The following SCEL variants were observed in gnomAD, a reference collection of about 807,000 sequenced individuals.
SCEL encodes sciellin.
In SCEL, 113 loss-of-function variants were observed where a neutral mutation model predicts 117.6. That is an observed-to-expected ratio of 0.96 (90% CI 0.83 to 1.12). SCEL has a LOEUF of 1.12. Ranked by LOEUF, SCEL falls within the 50% of genes most tolerant of loss-of-function variation. The pLI is 0.00. For synonymous variants in SCEL, 270 were observed against 256.2 expected (o/e 1.05, Z -0.51); for missense variants, 785 against 810.8 (o/e 0.97, Z 0.39).
At chr13:77,546,596 A>G (rs1397744577) in intron 1 of SCEL, among the ~76,000 whole-genome samples, 1 of 151,482 alleles carries the variant, frequency 6.6e-6, no homozygotes, top group Non-Finnish European at 1.5e-5. Context: ...TCTTTTGTAG[A>G]CTCCTGTCAA....
At chr13:77,643,220 T>C (rs2090643886) in intron 32 of SCEL, among the ~76,000 whole-genome samples, 1 of 152,172 alleles carries the variant, frequency 6.6e-6, no homozygotes, top group Non-Finnish European at 1.5e-5. Context: ...TACTTTTAAA[T>C]TGAAAATTTA....
intron 24 of SCEL, among the ~76,000 whole-genome samples, chr13:77,614,412 G>T (rs1183435767): frequency 1.3e-5 from 2 of 152,068 alleles, no homozygotes; most frequent in African/African-American, 4.8e-5. Flanking sequence ...ATTTTATGAG[G>T]TTCATTATTC....
Position 77,634,406 on chromosome 13 carries a change from A to T in SCEL, c.1719A>T (p.Gly573=). The T allele has an allele frequency of 6.2e-7, 1 of 1,613,552 alleles. No homozygotes were observed. Among genetic ancestry groups the T allele is most frequent in the Non-Finnish European group, 8.5e-7 (1 of 1,179,640 alleles). ...CTAACACTGGAGCCAAGCAGGCAGG[A>T]CCACAGGATACTGTTGTGTACACAA... ...GSSNTGAKQA[G]PQDTVVYTRT... Residue 573 remains glycine (G), a synonymous_variant, in exon 29 of 33, where the codon GGA becomes GGT. Coordinates refer to ENST00000349847, the MANE Select transcript of SCEL (RefSeq NM_144777.3).
rs551088528 is a variant in SCEL at position 77,639,392 on chromosome 13, G to T, written c.1839-1284G>T. On this transcript the variant is annotated intron_variant, in intron 30 of 32. Coordinates refer to ENST00000349847, the MANE Select transcript of SCEL (RefSeq NM_144777.3). ...AAAGACATTACTAGAATGATTAAAA[G>T]TATAAAGCTAGATAAAGTTTATCTA... Among the ~76,000 whole-genome samples, 9 of 152,284 alleles carry T rather than the reference G, an allele frequency of 5.9e-5. No individual in the cohort carries two copies. The South Asian group carries it at 1.9e-3, about 32-fold the overall frequency.
At position 77,601,953 on chromosome 13, in the gene SCEL, T is replaced by C; in HGVS notation, c.918-112T>C. 8.0e-6 allele frequency: 6 copies of C among 749,912 alleles called. No individual in the cohort carries two copies. The South Asian group carries it at 1.2e-4, about 15-fold the overall frequency. 46.5% of individuals were successfully genotyped at this position (749,912 alleles called of 1,614,324 possible). On this transcript the variant is annotated intron_variant, in intron 15 of 32. Coordinates refer to ENST00000349847, the MANE Select transcript of SCEL (RefSeq NM_144777.3). ...TCCTTTAGGCACTGATTGTATCTTATGAGATTCTCTTGTGGGAAATCTGCT... is the reference window on the plus strand; with the variant it reads ...TCCTTTAGGCACTGATTGTATCTTACGAGATTCTCTTGTGGGAAATCTGCT...
In SCEL at chr13:77,591,393, A is replaced by G. The variant is rs1370338920; in HGVS notation, c.627-2A>G. The G allele has an allele frequency of 8.4e-6, 13 of 1,555,406 alleles. No homozygotes were observed. In the South Asian group the frequency reaches 9.0e-5, roughly 11 times the overall value. ...TATAATCTTCTAACTTTGAAAATAT[A>G]GGCAGATACATCCACCTAAACCAGG... On this transcript the variant is annotated splice_acceptor_variant, in intron 10 of 32. Coordinates refer to ENST00000349847, the MANE Select transcript of SCEL (RefSeq NM_144777.3). LOFTEE classifies it high-confidence loss of function.
At chr13:77,611,945 G>A (rs2088666070) in intron 22 of SCEL, among the ~76,000 whole-genome samples, 1 of 152,070 alleles carries the variant, frequency 6.6e-6, no homozygotes, top group East Asian at 1.9e-4. Context: ...ATGTGAAGAA[G>A]ATAGCAAATA....
chr13:77,553,221 G>C (rs192584244), intron 1 of SCEL, among the ~76,000 whole-genome samples: 18 of 152,302 alleles, frequency 1.2e-4, no homozygotes, highest in African/African-American at 4.1e-4. Flanking sequence ...AGAAAGAAAA[G>C]ATTTAGGCCT....
chr13:77,599,633 C>A, intron 14 of SCEL, 56 bp from the exon 15 acceptor site: 2 of 1,270,330 alleles, frequency 1.6e-6, no homozygotes, highest in Non-Finnish European at 2.3e-6. Flanking sequence ...TTTCAAGATA[C>A]CACACAATTT....
intron 1 of SCEL, among the ~76,000 whole-genome samples, chr13:77,543,273 C>T (rs182230056): frequency 4.6e-5 from 7 of 151,136 alleles, no homozygotes; most frequent in Admixed American, 2.0e-4. Flanking sequence ...TTAGTAGAGA[C>T]GGGGTTTCAC....
chr13:77,634,437 T>C lies in SCEL; in HGVS notation c.1750T>C (p.Tyr584His), dbSNP rs1166947122. ...GGATACTGTTGTGTACACAAGGACA[T>C]ATGTGGAGAATAGGTATTCAAAATT... ...PQDTVVYTRT[Y>H]VENSKSPKDG... The change falls in exon 29 of 33, where the codon TAT becomes CAT. Residue 584 changes from tyrosine to histidine, a missense_variant. Coordinates refer to ENST00000349847, the MANE Select transcript of SCEL (RefSeq NM_144777.3). 6.8e-6 allele frequency: 11 copies of C among 1,611,738 alleles called. No individual in the cohort carries two copies. The African/African-American group carries it at 1.3e-4, about 20-fold the overall frequency.
intron 29 of SCEL, among the ~76,000 whole-genome samples, chr13:77,634,942 T>C (rs187528889): frequency 2.3e-4 from 35 of 152,236 alleles, no homozygotes; most frequent in Admixed American, 7.2e-4. Context: ...TTGAGGAAAA[T>C]GTAAACCAAG....
chr13:77,632,816 C>A (rs774291549), intron 28 of SCEL, among the ~76,000 whole-genome samples: 20 of 152,212 alleles, frequency 1.3e-4, no homozygotes, highest in Non-Finnish European at 2.6e-4. Flanking sequence ...TAGCAGAAAT[C>A]TAGGTCAGAG....
intron 22 of SCEL, among the ~76,000 whole-genome samples, chr13:77,610,868 A>G (rs1017878857): frequency 1.3e-5 from 2 of 152,220 alleles, no homozygotes; most frequent in African/African-American, 4.8e-5. Flanking sequence ...AAAAAGAATG[A>G]CATTTGTCTT....
intron 31 of SCEL, among the ~76,000 whole-genome samples, chr13:77,641,598 A>T (rs181517173): frequency 6.6e-6 from 1 of 152,182 alleles, no homozygotes; most frequent in South Asian, 2.1e-4. Context: ...GACCAGCCCC[A>T]GTTAAATCAT....
intron 14 of SCEL, 92 bp from the exon 15 acceptor site, chr13:77,599,597 A>T (rs2087502568): frequency 9.9e-7 from 1 of 1,009,018 alleles, no homozygotes; most frequent in African/African-American, 1.6e-5. Context: ...TGAGCAATTC[A>T]TGGAGAATGT....
intron 19 of SCEL, among the ~76,000 whole-genome samples, chr13:77,604,749 TTATA>T (rs1385601063): frequency 6.6e-6 from 1 of 152,196 alleles, no homozygotes; most frequent in Non-Finnish European, 1.5e-5. Context: ...AGTAGTGTGT[TTATA>T]TATAAGTGCA....
intron 1 of SCEL, among the ~76,000 whole-genome samples, chr13:77,540,884 G>A (rs1482182245): frequency 6.6e-6 from 1 of 152,216 alleles, no homozygotes; most frequent in Non-Finnish European, 1.5e-5. Context: ...TCTGGAGATT[G>A]AGAATGTAGC....
intron 4 of SCEL, among the ~76,000 whole-genome samples, 159 bp downstream of exon 4, chr13:77,560,022 A>G (rs1188573089): frequency 1.3e-5 from 2 of 152,204 alleles, no homozygotes; most frequent in Admixed American, 6.5e-5. Flanking sequence ...AGAGGTTTCC[A>G]CAAGGAAACT....
Sources: allele counts gnomAD v4.1 joint callset (sites outside exome capture counted in the v4.1 genomes callset), GRCh38; gene constraint gnomAD v4.1.1; transcripts MANE v1.5; gene names NCBI Gene and HGNC (gene_info 2026-07-23, HGNC 2026-07-21).